Variants in KCNH1 observed in about 807,000 individuals in gnomAD.
The protein encoded by KCNH1 is potassium voltage-gated channel subfamily H member 1.
In KCNH1, 27 loss-of-function variants were observed where a neutral mutation model predicts 69.2. The observed-to-expected ratio is 0.39, with a 90% CI of 0.29 to 0.54. The LOEUF is 0.54. Ranked by LOEUF, KCNH1 falls within the 20% of genes least tolerant of loss-of-function variation. The probability of loss-of-function intolerance (pLI) is 0.68; values close to 1 mark genes in which losing one functional copy is unlikely to be tolerated. For synonymous variants in KCNH1, 456 were observed against 487.7 expected (o/e 0.93, Z 0.86); for missense variants, 798 against 1,261.6 (o/e 0.63, Z 5.57).
chr1:210,785,673 C>T (rs984878631), intron 9 of KCNH1, among the ~76,000 whole-genome samples: 3 of 152,114 alleles, frequency 2.0e-5, no homozygotes, highest in Non-Finnish European at 2.9e-5. Flanking sequence ...ACTACTTTGT[C>T]CCCATTCCTG....
chr1:210,968,865 A>G (rs1688461704), intron 6 of KCNH1, among the ~76,000 whole-genome samples: 1 of 152,136 alleles, frequency 6.6e-6, no homozygotes, highest in Non-Finnish European at 1.5e-5. Flanking sequence ...TCAATTTTAA[A>G]TAAAATGTTC....
chr1:210,945,254 C>T (rs1474636178), intron 6 of KCNH1, among the ~76,000 whole-genome samples: 2 of 152,218 alleles, frequency 1.3e-5, no homozygotes, highest in African/African-American at 4.8e-5. Flanking sequence ...TCTCAGGATG[C>T]AGTACTTAAC....
In KCNH1 at chr1:210,863,849, A is replaced by C. The variant is rs1182808126; in HGVS notation, c.1462+55791T>G. 3.3e-5 allele frequency among the ~76,000 whole-genome samples: 5 copies of C among 152,264 alleles called. No homozygotes were observed. The East Asian group carries it at 9.7e-4, about 30-fold the overall frequency. On this transcript the variant is annotated intron_variant, in intron 7 of 10. Transcript: ENST00000271751. Reference sequence around the variant, plus strand: ...CCAGAGCTTTAGGTGCTCCACACGAAGTACTCTTGAACTCTGTCAACCCTG... The same window carrying C: ...CCAGAGCTTTAGGTGCTCCACACGACGTACTCTTGAACTCTGTCAACCCTG...
chr1:210,969,054 T>C (rs999609647), intron 6 of KCNH1, among the ~76,000 whole-genome samples: 9 of 152,150 alleles, frequency 5.9e-5, no homozygotes, highest in African/African-American at 2.2e-4. Flanking sequence ...CATCTGTTAA[T>C]GTAATAAATC....
chr1:210,914,854 G>A (rs1425960180), intron 7 of KCNH1, among the ~76,000 whole-genome samples: 2 of 152,160 alleles, frequency 1.3e-5, no homozygotes, highest in Non-Finnish European at 2.9e-5. Context: ...TGCTGAGGTA[G>A]GAGACCAAAT....
At chr1:210,971,546 G>A (rs1190605384) in intron 6 of KCNH1, among the ~76,000 whole-genome samples, 2 of 151,948 alleles carry the variant, frequency 1.3e-5, no homozygotes, top group Non-Finnish European at 1.5e-5. Context: ...TACTATTATC[G>A]ATGCTTTCAA....
chr1:211,055,845 C>G (rs1267746580), intron 5 of KCNH1, among the ~76,000 whole-genome samples: 1 of 152,196 alleles, frequency 6.6e-6, no homozygotes, highest in Non-Finnish European at 1.5e-5. Flanking sequence ...AACAAAAAGA[C>G]CCAGTCCTGG....
At chr1:210,949,674 C>T (rs759213505) in intron 6 of KCNH1, among the ~76,000 whole-genome samples, 7 of 152,176 alleles carry the variant, frequency 4.6e-5, no homozygotes, top group Non-Finnish European at 1.0e-4. Context: ...AGCCAATGCC[C>T]AGGTTTCTGC....
chr1:210,897,363 T>C (rs567292845), intron 7 of KCNH1, among the ~76,000 whole-genome samples: 6 of 152,260 alleles, frequency 3.9e-5, no homozygotes, highest in Non-Finnish European at 8.8e-5. Flanking sequence ...TAAAAATCTT[T>C]AAAACCAAGA....
intron 7 of KCNH1, among the ~76,000 whole-genome samples, chr1:210,844,755 C>T (rs1295602371): frequency 6.6e-6 from 1 of 152,016 alleles, no homozygotes; most frequent in Admixed American, 6.6e-5. Context: ...AATAGAGACA[C>T]AAAAAACCCT....
intron 5 of KCNH1, among the ~76,000 whole-genome samples, chr1:211,076,505 C>T (rs775431638): frequency 3.9e-5 from 6 of 152,206 alleles, no homozygotes; most frequent in Non-Finnish European, 8.8e-5. Flanking sequence ...AACAGACCTG[C>T]AGCTGAGGGA....
At chr1:210,856,791 A>ATATTTG (rs1685848940) in intron 7 of KCNH1, among the ~76,000 whole-genome samples, 1 of 131,760 alleles carries the variant, frequency 7.6e-6, no homozygotes, top group Non-Finnish European at 1.6e-5. Flanking sequence ...ATATATATAT[A>ATATTTG]TATTTATATT....
intron 1 of KCNH1, among the ~76,000 whole-genome samples, chr1:211,117,178 T>C (rs991452655): frequency 5.9e-5 from 9 of 152,290 alleles, no homozygotes; most frequent in Admixed American, 2.0e-4. Context: ...GTCTTTCTTT[T>C]GTGTGTATGT....
intron 1 of KCNH1, among the ~76,000 whole-genome samples, chr1:211,111,632 G>C (rs61099314): frequency 2.0e-4 from 26 of 131,032 alleles, no homozygotes; most frequent in South Asian, 5.3e-4. Flanking sequence ...CCCGGCCCCC[G>C]CCCCGTCTGG....
rs572778714 is a variant in KCNH1, at chr1:210,929,035, T to A, written c.1033-8966A>T. Among the ~76,000 whole-genome samples the A allele has an allele frequency of 5.3e-5, 8 of 152,096 alleles. No homozygotes were observed. The East Asian group carries it at 1.3e-3, about 26-fold the overall frequency. ...AACAAGTAGCGAGATTGAAATAATT[T>A]AAAAATTTCTGACAAGAAAAAGTCA... On this transcript the variant is annotated intron_variant, in intron 6 of 10. Transcript: ENST00000271751.
At chr1:210,821,213 C>T (rs1007634909) in intron 7 of KCNH1, among the ~76,000 whole-genome samples, 8 of 152,064 alleles carry the variant, frequency 5.3e-5, no homozygotes, top group South Asian at 4.1e-4. Context: ...CCCCACCTTA[C>T]GATACCATCA....
chr1:210,743,413 G>C (rs1299043389), intron 10 of KCNH1, among the ~76,000 whole-genome samples: 5 of 152,144 alleles, frequency 3.3e-5, no homozygotes, highest in African/African-American at 1.2e-4. Flanking sequence ...GGTAGAAAGA[G>C]GTATTCCTGA....
chr1:210,816,048 T>C (rs1684807520), intron 7 of KCNH1, among the ~76,000 whole-genome samples: 1 of 152,218 alleles, frequency 6.6e-6, no homozygotes, highest in Non-Finnish European at 1.5e-5. Context: ...TTAATCAGAC[T>C]CTGCAAGCGG....
chr1:210,997,823 A>C (rs934056429), intron 6 of KCNH1, among the ~76,000 whole-genome samples: 6 of 152,240 alleles, frequency 3.9e-5, no homozygotes, highest in African/African-American at 1.4e-4. Context: ...CTCGGCAGAA[A>C]TTCTACAAGC....
Sources: allele counts gnomAD v4.1 joint callset (sites outside exome capture counted in the v4.1 genomes callset), GRCh38; gene constraint gnomAD v4.1.1; transcripts MANE v1.5; gene names NCBI Gene and HGNC (gene_info 2026-07-23, HGNC 2026-07-21).